The following FGF12 variants were observed in gnomAD, a reference collection of about 807,000 sequenced individuals.
FGF12 encodes fibroblast growth factor 12B.
In FGF12, 14 loss-of-function variants were observed where a neutral mutation model predicts 23.6. That is an observed-to-expected ratio of 0.59 (90% CI 0.39 to 0.93). The LOEUF (loss-of-function observed/expected upper bound fraction) is 0.93. Among genes scored for constraint, FGF12 ranks in the 40% least tolerant of loss-of-function variants. The pLI is 0.00. For synonymous variants in FGF12, 62 were observed against 77.3 expected (o/e 0.80, Z 1.04); for missense variants, 175 against 217.8 (o/e 0.80, Z 1.24).
intron 2 of FGF12, among the ~76,000 whole-genome samples, chr3:192,591,730 C>T (rs964212720): frequency 7.9e-5 from 12 of 151,854 alleles, no homozygotes; most frequent in South Asian, 4.2e-4. Context: ...GAAATGCTTA[C>T]GTGGCAATAG....
At chr3:192,395,053 T>C (rs561229216) in intron 2 of FGF12, among the ~76,000 whole-genome samples, 42 of 152,310 alleles carry the variant, frequency 2.8e-4, no homozygotes, top group African/African-American at 9.9e-4. Context: ...CTGAAATCAA[T>C]GGCAAAGGTT....
chr3:192,395,950 C>A (rs966587676), intron 2 of FGF12, among the ~76,000 whole-genome samples: 4 of 152,122 alleles, frequency 2.6e-5, no homozygotes, highest in Non-Finnish European at 5.9e-5. Context: ...AGTAAATGTT[C>A]TATGAATGTC....
In FGF12 at chr3:192,519,663, C is replaced by T. The variant is rs562031289; in HGVS notation, c.14-159125G>A. 3.9e-5 allele frequency among the ~76,000 whole-genome samples: 6 copies of T among 152,314 alleles called. No individual in the cohort carries two copies. The East Asian group carries it at 1.2e-3, about 29-fold the overall frequency. Reference sequence around the variant, plus strand: ...ATCCATTGACAGATCTTGCTTGCAACAATTATTAATGTGCAGTTTGCCCGG... The same window carrying T: ...ATCCATTGACAGATCTTGCTTGCAATAATTATTAATGTGCAGTTTGCCCGG... On this transcript the variant is annotated intron_variant, in intron 2 of 5. Transcript: ENST00000445105.
At chr3:192,341,920 C>T (rs1577370494) in intron 3 of FGF12, among the ~76,000 whole-genome samples, 1 of 91,600 alleles carries the variant, frequency 1.1e-5, no homozygotes, top group Non-Finnish European at 2.5e-5. Context: ...AGTTAACATA[C>T]AGCACTTGTA....
At chr3:192,660,491 C>A (rs1716620967) in intron 2 of FGF12, among the ~76,000 whole-genome samples, 1 of 150,794 alleles carries the variant, frequency 6.6e-6, no homozygotes, top group Non-Finnish European at 1.5e-5. Context: ...GCACATGTAC[C>A]CTAGAACTTA....
chr3:192,387,734 T>TAA (rs35344947), intron 2 of FGF12, among the ~76,000 whole-genome samples: 9 of 150,726 alleles, frequency 6.0e-5, no homozygotes, highest in East Asian at 2.0e-4. Flanking sequence ...TATATATATA[T>TAA]AAATTATCTG....
At chr3:192,371,131 T>C (rs188315614) in intron 2 of FGF12, among the ~76,000 whole-genome samples, 2 of 152,226 alleles carry the variant, frequency 1.3e-5, no homozygotes, top group African/African-American at 2.4e-5. Context: ...TCAAAAATGA[T>C]TGCTGGAGAA....
At position 192,542,048 on chromosome 3, in the gene FGF12, T is replaced by C. The variant is rs533976177; in HGVS notation, c.14-181510A>G. Among the ~76,000 whole-genome samples the C allele has an allele frequency of 2.0e-4, 31 of 151,564 alleles. 2 individuals carry two copies. In the South Asian group the frequency reaches 6.1e-3, roughly 30 times the overall value. ...CTGGCATTTTTTTTTTTTTTTTGTA[T>C]TTTTAGTGGAGACGGGGTTTCACCA... is the stretch of plus-strand genomic sequence containing the variant. On this transcript the variant is annotated intron_variant, in intron 2 of 5. Transcript: ENST00000445105.
intron 4 of FGF12, among the ~76,000 whole-genome samples, chr3:192,293,056 A>T (rs1034711592): frequency 6.6e-6 from 1 of 152,190 alleles, no homozygotes; most frequent in Non-Finnish European, 1.5e-5. Context: ...CTGGGATTAT[A>T]GGCATAAGCC....
intron 4 of FGF12, among the ~76,000 whole-genome samples, chr3:192,180,887 C>G (rs1716134820): frequency 6.6e-6 from 1 of 152,068 alleles, no homozygotes; most frequent in South Asian, 2.1e-4. Context: ...TTGCTTGGCT[C>G]TGTGTTGGTT....
At chr3:192,391,766 G>A (rs891087324) in intron 2 of FGF12, among the ~76,000 whole-genome samples, 1 of 152,288 alleles carries the variant, frequency 6.6e-6, no homozygotes, top group South Asian at 2.1e-4. Context: ...TAAGAAAAGT[G>A]AGGATTAGAA....
At position 192,196,286 on chromosome 3, in the gene FGF12, T is replaced by TA. The variant is rs199766292; in HGVS notation, c.229-25631dup. ...GGATGAAAAAAGAGTCCATCAACTT[T>TA]AAAAGACACAAAAGACTGTTCCAAA... is the stretch of plus-strand genomic sequence containing the variant. On this transcript the variant is annotated intron_variant, in intron 4 of 5. Transcript: ENST00000445105. Among the ~76,000 whole-genome samples, 936 of 152,224 alleles carry TA rather than the reference T, an allele frequency of 6.1e-3. 12 individuals carry two copies. The highest frequency in any genetic ancestry group is 0.032 in the East Asian group (164 of 5,182).
At chr3:192,588,268 T>G (rs1268311742) in intron 2 of FGF12, among the ~76,000 whole-genome samples, 1 of 139,906 alleles carries the variant, frequency 7.1e-6, no homozygotes, top group African/African-American at 2.7e-5. Flanking sequence ...GAGAATGGCG[T>G]GAACCCGGGA....
At position 192,577,626 on chromosome 3, in the gene FGF12, A is replaced by C. The variant is rs185213624; in HGVS notation, c.13+149555T>G. Among the ~76,000 whole-genome samples, 9 of 152,366 alleles carry C rather than the reference A, an allele frequency of 5.9e-5. No homozygotes were observed. The East Asian group carries it at 1.7e-3, about 29-fold the overall frequency. On this transcript the variant is annotated intron_variant, in intron 2 of 5. Transcript: ENST00000445105. Reference sequence around the variant, plus strand: ...TAGAGGAATTCACTAAAATTTAGGAATCTTAAATAGAGATCCCTTAAGACT... The same window carrying C: ...TAGAGGAATTCACTAAAATTTAGGACTCTTAAATAGAGATCCCTTAAGACT...
chr3:192,458,436 C>G (rs893933099), intron 2 of FGF12, among the ~76,000 whole-genome samples: 1 of 152,226 alleles, frequency 6.6e-6, no homozygotes, highest in Non-Finnish European at 1.5e-5. Context: ...AAACCCACCT[C>G]TTGCATCAGT....
intron 2 of FGF12, among the ~76,000 whole-genome samples, chr3:192,658,904 C>G (rs1308021454): frequency 6.6e-6 from 1 of 151,998 alleles, no homozygotes; most frequent in Non-Finnish European, 1.5e-5. Context: ...TTCTAGAAAC[C>G]CAGGTGCCAG....
In FGF12 at chr3:192,278,973, C is replaced by T. The variant is rs141624698; in HGVS notation, c.228+56388G>A. Among the ~76,000 whole-genome samples, 11 of 151,022 alleles carry T rather than the reference C, an allele frequency of 7.3e-5. No individual in the cohort carries two copies. The East Asian group carries it at 2.4e-3, about 32-fold the overall frequency. On this transcript the variant is annotated intron_variant, in intron 4 of 5. Transcript: ENST00000445105. ...TTTGGTGGCCTTCCTGCAAGAATGT[C>T]ACAGTTAGGGCCTGATTGTGGATGA...
intron 2 of FGF12, among the ~76,000 whole-genome samples, chr3:192,553,688 T>C (rs747778062): frequency 1.8e-4 from 27 of 152,156 alleles, no homozygotes; most frequent in Non-Finnish European, 3.5e-4. Context: ...TCATACACCA[T>C]AGTCCCCCCA....
intron 2 of FGF12, among the ~76,000 whole-genome samples, chr3:192,483,450 C>T (rs1175319740): frequency 6.6e-6 from 1 of 152,098 alleles, no homozygotes; most frequent in East Asian, 1.9e-4. Context: ...ATGTCTCTTA[C>T]TGAAGTGTAA....
Sources: allele counts gnomAD v4.1 joint callset (sites outside exome capture counted in the v4.1 genomes callset), GRCh38; gene constraint gnomAD v4.1.1; transcripts MANE v1.5; gene names NCBI Gene and HGNC (gene_info 2026-07-23, HGNC 2026-07-21).